The following MEAK7 variants were observed in gnomAD, a reference collection of about 807,000 sequenced individuals.
The protein encoded by MEAK7 is MTOR associated protein MEAK7, also known as MTOR-associated protein MEAK7.
A neutral mutation model predicts 40.5 loss-of-function variants in MEAK7; 68 were observed. That is an observed-to-expected ratio of 1.68 (90% CI 1.38 to 2.06). The LOEUF (loss-of-function observed/expected upper bound fraction) is 2.06. Among genes scored for constraint, MEAK7 ranks in the 30% most tolerant of loss-of-function variants. The pLI, the probability that MEAK7 is intolerant of heterozygous loss-of-function variation, is 0.00. For synonymous variants in MEAK7, 338 were observed against 231.9 expected (o/e 1.46, Z -4.16); for missense variants, 918 against 580.5 (o/e 1.58, Z -5.98).
rs1262156673 is a variant in MEAK7 at position 84,495,760 on chromosome 16, A to T, written c.307T>A (p.Ser103Thr). 2 of 1,613,770 alleles carry T rather than the reference A, an allele frequency of 1.2e-6. No individual in the cohort carries two copies. The highest frequency in any genetic ancestry group is 1.7e-6 in the Non-Finnish European group (2 of 1,180,026). ...ATAATCATGAGACTCTTCTCCTCGG[A>T]GTTTCCTTTCAACAGGTGGGACATG... ...ASMSHLLKGN[S>T]EEKSLMIMKM... Residue 103 changes from serine (S) to threonine (T), a missense_variant, in exon 3 of 8, where the codon TCC becomes ACC. By Grantham distance (58) the Ser-to-Thr change is moderately conservative. Coordinates refer to ENST00000343629, the MANE Select transcript of MEAK7 (RefSeq NM_020947.4).
intron 4 of MEAK7, chr16:84,488,081 T>C (rs1913250397): frequency 6.6e-6 from 1 of 152,118 alleles, no homozygotes; most frequent in Non-Finnish European, 1.5e-5. Flanking sequence ...ATCATTTCTA[T>C]TTATTTTTCA....
intron 1 of MEAK7, 142 bp downstream of exon 1, chr16:84,504,459 G>A (rs973750073): frequency 9.9e-6 from 3 of 302,506 alleles, no homozygotes; most frequent in African/African-American, 6.5e-5. Context: ...TCCCTCCCCC[G>A]ACCCGAGGGC....
At chr16:84,487,259 A>G in intron 4 of MEAK7, 200 bp from the exon 5 acceptor site, 3 of 518,726 alleles carry the variant, frequency 5.8e-6, no homozygotes, top group Middle Eastern at 4.9e-4. Context: ...AAAAGAATGT[A>G]AAATATCTCA....
intron 3 of MEAK7, among the ~76,000 whole-genome samples, chr16:84,493,203 G>A (rs1450752892): frequency 1.3e-5 from 2 of 152,216 alleles, no homozygotes; most frequent in East Asian, 3.8e-4. Context: ...GTATGCCAGA[G>A]AAGTACCCAA....
intron 6 of MEAK7, among the ~76,000 whole-genome samples, chr16:84,481,155 T>C (rs1912504560): frequency 6.6e-6 from 1 of 152,170 alleles, no homozygotes; most frequent in Admixed American, 6.5e-5. Flanking sequence ...CAAGACAGGC[T>C]GGGAAACTCA....
At chr16:84,501,233 G>A (rs982559053) in intron 1 of MEAK7, among the ~76,000 whole-genome samples, 8 of 152,026 alleles carry the variant, frequency 5.3e-5, no homozygotes, top group Admixed American at 3.3e-4. Flanking sequence ...TGAGTCTTCA[G>A]AGACTCACAG....
intron 3 of MEAK7, among the ~76,000 whole-genome samples, chr16:84,491,722 C>T (rs1472110614): frequency 6.6e-6 from 1 of 150,770 alleles, no homozygotes; most frequent in Admixed American, 6.6e-5. Flanking sequence ...CCTGTAGTCC[C>T]AGCCACTTGG....
intron 1 of MEAK7, among the ~76,000 whole-genome samples, chr16:84,501,713 G>C (rs1473688926): frequency 6.6e-6 from 1 of 152,138 alleles, no homozygotes; most frequent in Non-Finnish European, 1.5e-5. Context: ...CAGTGAGGTG[G>C]GAAGGTGGGC....
chr16:84,477,858 G>A lies in MEAK7; in HGVS notation c.*2055C>T, dbSNP rs1332819863. ...CCACAGAGAGAGCTGCATCCCCCAG[G>A]CTCCCAAGCCCGGGCCAGTGACCTT... On this transcript the variant is annotated 3_prime_UTR_variant, in exon 8 of 8. Coordinates refer to ENST00000343629, the MANE Select transcript of MEAK7 (RefSeq NM_020947.4). 2 of 152,038 alleles carry A rather than the reference G, an allele frequency of 1.3e-5. No individual in the cohort carries two copies. The highest frequency in any genetic ancestry group is 4.8e-5 in the African/African-American group (2 of 41,382). The allele number at this position is 152,038 out of a possible 1,614,324, so 9.4% of individuals were successfully genotyped here.
At chr16:84,501,228 C>T (rs1366868917) in intron 1 of MEAK7, among the ~76,000 whole-genome samples, 1 of 151,966 alleles carries the variant, frequency 6.6e-6, no homozygotes, top group Non-Finnish European at 1.5e-5. Context: ...CCAGCTGAGT[C>T]TTCAGAGACT....
intron 6 of MEAK7, among the ~76,000 whole-genome samples, chr16:84,481,197 G>A (rs1299858852): frequency 6.6e-6 from 1 of 152,210 alleles, no homozygotes; most frequent in Non-Finnish European, 1.5e-5. Context: ...GGATGCGGAG[G>A]CAGACCCGGA....
chr16:84,488,065 A>C (rs1913249164), intron 4 of MEAK7: 2 of 152,150 alleles, frequency 1.3e-5, no homozygotes, highest in Non-Finnish European at 2.9e-5. Context: ...ATAATTCAAA[A>C]TTCCTATCAT....
chr16:84,484,103 C>T (rs893776556), intron 5 of MEAK7, among the ~76,000 whole-genome samples: 18 of 152,176 alleles, frequency 1.2e-4, no homozygotes, highest in African/African-American at 4.3e-4. Flanking sequence ...CAATCCTGAG[C>T]CCGTCTTGCT....
At chr16:84,487,194 T>A in intron 4 of MEAK7, 135 bp from the exon 5 acceptor site, 2 of 801,352 alleles carry the variant, frequency 2.5e-6, no homozygotes, top group Non-Finnish European at 3.8e-6. Flanking sequence ...CTCGTGTGAA[T>A]TGAGAGGTGC....
In MEAK7 at chr16:84,477,406, G is replaced by A. The variant is rs1393898928; in HGVS notation, c.*2507C>T. On this transcript the variant is annotated 3_prime_UTR_variant, in exon 8 of 8. Coordinates refer to ENST00000343629, the MANE Select transcript of MEAK7 (RefSeq NM_020947.4). ...GGGTTTCTCCATGTTGGTCAGGCTG[G>A]TCTCGAACTTCCGACCTCAGGTGAT... The A allele has an allele frequency of 6.6e-6, 1 of 151,916 alleles. No individual in the cohort carries two copies. Among genetic ancestry groups the A allele is most frequent in the African/African-American group, 2.4e-5 (1 of 41,302 alleles). 9.4% of individuals were successfully genotyped at this position (151,916 alleles called of 1,614,324 possible).
intron 3 of MEAK7, among the ~76,000 whole-genome samples, chr16:84,492,569 TTTTATTTA>T (rs58022971): frequency 2.7e-5 from 4 of 146,702 alleles, no homozygotes; most frequent in Admixed American, 6.8e-5. Context: ...AAGTGTTTTA[TTTTATTTA>T]TTTATTTATT....
At chr16:84,493,044 G>A (rs1913755865) in intron 3 of MEAK7, among the ~76,000 whole-genome samples, 2 of 152,188 alleles carry the variant, frequency 1.3e-5, no homozygotes, top group South Asian at 2.1e-4. Flanking sequence ...AGGAAGCACT[G>A]TCAAATATGA....
chr16:84,486,434 A>C, intron 5 of MEAK7, 197 bp downstream of exon 5: 2 of 1,372,472 alleles, frequency 1.5e-6, no homozygotes, highest in African/African-American at 2.9e-5. Flanking sequence ...ACTGGGGGTC[A>C]CACGGCCTGT....
chr16:84,497,427 G>C (rs1390168808), intron 2 of MEAK7: 1 of 1,288,556 alleles, frequency 7.8e-7, no homozygotes, highest in South Asian at 1.2e-5. Flanking sequence ...ACACATTCTA[G>C]AGGCAACGGT....
Sources: allele counts gnomAD v4.1 joint callset (sites outside exome capture counted in the v4.1 genomes callset), GRCh38; gene constraint gnomAD v4.1.1; transcripts MANE v1.5; gene names NCBI Gene and HGNC (gene_info 2026-07-23, HGNC 2026-07-21).